Variants in MYH15 observed in about 807,000 individuals in gnomAD.
MYH15 encodes myosin-15.
Under a neutral mutation model 240.5 loss-of-function variants are expected in MYH15, and 227 were observed. The observed-to-expected ratio is 0.94, with a 90% CI of 0.85 to 1.05. The LOEUF is 1.05. Ranked by LOEUF, MYH15 falls within the 50% of genes least tolerant of loss-of-function variation. The probability of loss-of-function intolerance (pLI) is 0.00; values close to 1 mark genes in which losing one functional copy is unlikely to be tolerated. For missense variants in MYH15, 2,217 were observed against 2,247.5 expected (o/e 0.99, Z 0.27); for synonymous variants, 785 against 796.7 (o/e 0.99, Z 0.25).
Position 108,398,652 on chromosome 3 carries a change from A to T in MYH15, c.5118T>A (p.Asn1706Lys). 6.2e-7 allele frequency: 1 copy of T among 1,613,180 alleles called. No individual in the cohort carries two copies. The highest frequency in any genetic ancestry group is 1.3e-5 in the African/African-American group (1 of 75,016). ...TGGGCCCCACCTGGGTATAGAAAAG[A>T]TTGATTCTTTCTGTTGCTTCCAGGA... is the stretch of plus-strand genomic sequence containing the variant. ...EELLEATERINLFYTQNTSLL... is the reference protein window; with the variant it reads ...EELLEATERIKLFYTQNTSLL... Residue 1706 changes from asparagine to lysine, a missense_variant, in exon 35 of 41, where the codon AAT (asparagine) becomes AAA (lysine). Coordinates refer to ENST00000693548, the MANE Select transcript of MYH15 (RefSeq NM_014981.3).
At chr3:108,475,903 A>G (rs1481282173) in intron 12 of MYH15, among the ~76,000 whole-genome samples, 6 of 152,190 alleles carry the variant, frequency 3.9e-5, no homozygotes, top group African/African-American at 4.8e-5. Flanking sequence ...CAAAATCTGC[A>G]TGGCGTTCCA....
Position 108,464,766 on chromosome 3 carries a change from C to A in MYH15, c.1603G>T (p.Ala535Ser). 2 of 1,613,536 alleles carry A rather than the reference C, an allele frequency of 1.2e-6. No individual in the cohort carries two copies. Among genetic ancestry groups the A allele is most frequent in the Non-Finnish European group, 1.7e-6 (2 of 1,179,758 alleles). The change falls in exon 15 of 41, where the codon GCT becomes TCT. Residue 535 changes from alanine to serine, a missense_variant. Transcript: ENST00000693548. Reference protein sequence around the residue: ...ILEEECMFPKATDLTFKTKLF... With the variant: ...ILEEECMFPKSTDLTFKTKLF... ...TTGGTCTTGAAAGTCAGGTCTGTAG[C>A]CTTAGGAAACATACACTCTTCTTCA...
intron 28 of MYH15, among the ~76,000 whole-genome samples, chr3:108,417,830 TACACACTTAA>T (rs2082647140): frequency 6.6e-6 from 1 of 150,586 alleles, no homozygotes; most frequent in Admixed American, 6.6e-5. Context: ...CACACACATA[TACACACTTAA>T]ACACACACAT....
intron 40 of MYH15, among the ~76,000 whole-genome samples, chr3:108,383,077 CT>C (rs1009748156): frequency 6.6e-6 from 1 of 152,084 alleles, no homozygotes; most frequent in Non-Finnish European, 1.5e-5. Context: ...GATCCTTTCT[CT>C]GTGTTTTTGG....
At chr3:108,393,777 A>C (rs972074246) in intron 36 of MYH15, among the ~76,000 whole-genome samples, 3 of 151,812 alleles carry the variant, frequency 2.0e-5, no homozygotes, top group African/African-American at 7.3e-5. Context: ...ACAAAAGAAG[A>C]CTCCTGCTTT....
chr3:108,390,933 T>A (rs898606714), intron 37 of MYH15, among the ~76,000 whole-genome samples: 1 of 152,226 alleles, frequency 6.6e-6, no homozygotes, highest in Non-Finnish European at 1.5e-5. Context: ...TTTTTCTGAT[T>A]TATCCTGTTA....
At chr3:108,524,841 T>C (rs1235471676) in intron 1 of MYH15, among the ~76,000 whole-genome samples, 1 of 152,072 alleles carries the variant, frequency 6.6e-6, no homozygotes. Flanking sequence ...TCTTCTGTCT[T>C]GATCTACTGT....
the MYH15 span, among the ~76,000 whole-genome samples, chr3:108,549,037 G>A: frequency 6.6e-6 from 1 of 152,062 alleles, no homozygotes; most frequent in South Asian, 2.1e-4. Context: ...ATTTGTTCAA[G>A]TGGCAAGTGT....
chr3:108,388,055 T>C (rs2082396966), intron 38 of MYH15, among the ~76,000 whole-genome samples: 1 of 152,166 alleles, frequency 6.6e-6, no homozygotes, highest in Non-Finnish European at 1.5e-5. Context: ...TGTATTGGAA[T>C]AAGCTGTCAT....
chr3:108,521,769 G>A (rs1223269434), intron 1 of MYH15, among the ~76,000 whole-genome samples: 1 of 152,130 alleles, frequency 6.6e-6, no homozygotes, highest in Admixed American at 6.6e-5. Context: ...AGAAATCCCA[G>A]GCAATATGAG....
At chr3:108,516,078 C>G (rs1576279201) in intron 1 of MYH15, among the ~76,000 whole-genome samples, 1 of 152,250 alleles carries the variant, frequency 6.6e-6, no homozygotes, top group East Asian at 1.9e-4. Flanking sequence ...ATTTCAGTGC[C>G]TTAACTATAA....
At chr3:108,455,647 C>T (rs1299597272) in intron 20 of MYH15, 89 bp downstream of exon 20, 1 of 1,430,904 alleles carries the variant, frequency 7.0e-7, no homozygotes, top group Admixed American at 1.7e-5. Context: ...CTGAAGAATG[C>T]CTTATAATTG....
chr3:108,385,710 T>A (rs1267922630), intron 38 of MYH15, among the ~76,000 whole-genome samples: 1 of 152,212 alleles, frequency 6.6e-6, no homozygotes, highest in Non-Finnish European at 1.5e-5. Flanking sequence ...AAAATTGTTT[T>A]CTGGCTCCAT....
intron 25 of MYH15, 46 bp from the exon 26 acceptor site, chr3:108,430,968 T>A (rs759854786): frequency 6.6e-6 from 9 of 1,358,720 alleles, no homozygotes; most frequent in Non-Finnish European, 9.4e-6. Context: ...AATAATAACA[T>A]TTTGTTTAAA....
Position 108,460,380 on chromosome 3 carries a change from A to G in MYH15, c.1865-13T>C, listed in dbSNP as rs199537470. ...CCAAATGGTATAGCTAGCAAAAAAA[A>G]AAAAAGAAAAAGATGAAAACATGTA... is the stretch of plus-strand genomic sequence containing the variant. On this transcript the variant is annotated splice_polypyrimidine_tract_variant and intron_variant, in intron 16 of 40. Transcript: ENST00000693548. 28 of 1,570,236 alleles carry G rather than the reference A, an allele frequency of 1.8e-5. No homozygotes were observed. The African/African-American group carries it at 2.5e-4, about 14-fold the overall frequency.
chr3:108,414,196 G>A (rs7645139), intron 30 of MYH15, 36 bp downstream of exon 30: 2 of 1,588,876 alleles, frequency 1.3e-6, no homozygotes, highest in Non-Finnish European at 1.7e-6. Flanking sequence ...CTCCATGTGA[G>A]TAACTCCAGG....
At chr3:108,529,448 G>A, upstream of MYH15, 1 of 532,686 alleles carries the variant, frequency 1.9e-6, no homozygotes. Context: ...GCTTGGGACA[G>A]GGAAATAATT....
In MYH15 at chr3:108,389,035, G is replaced by A. The variant is rs186001749; in HGVS notation, c.5470C>T (p.Arg1824Cys). 10 of 1,613,880 alleles carry A rather than the reference G, an allele frequency of 6.2e-6. No individual in the cohort carries two copies. In the Admixed American group the frequency reaches 1.0e-4, roughly 16 times the overall value. The part of the protein sequence containing the change: ...LEGELEGEIR[R>C]SAEAQRGARR... ...GCTCCCCTCTGGGCCTCTGCACTGC[G>A]ACGGATTTCACCCTCCAGTTCACCT... The change falls in exon 38 of 41, where the codon CGC becomes TGC. Residue 1824 changes from arginine (R) to cysteine (C), a missense_variant. Physicochemically the swap from Arg to Cys is radical, Grantham distance 180 (BLOSUM62 -3). Transcript: ENST00000693548.
At chr3:108,414,679 TAGAC>T (rs2082620704) in intron 29 of MYH15, among the ~76,000 whole-genome samples, 1 of 152,162 alleles carries the variant, frequency 6.6e-6, no homozygotes, top group Non-Finnish European at 1.5e-5. Flanking sequence ...TCTGTGGACT[TAGAC>T]AGGCCTGGAA....
Sources: allele counts gnomAD v4.1 joint callset (sites outside exome capture counted in the v4.1 genomes callset), GRCh38; gene constraint gnomAD v4.1.1; transcripts MANE v1.5; gene names NCBI Gene and HGNC (gene_info 2026-07-23, HGNC 2026-07-21).